SEMA3E: variants seen among roughly 807,000 people sequenced by gnomAD.
The protein encoded by SEMA3E is semaphorin 3E.
In SEMA3E, 49 loss-of-function variants were observed where a neutral mutation model predicts 93.6. The observed-to-expected ratio is 0.52, with a 90% CI of 0.42 to 0.66. The LOEUF (loss-of-function observed/expected upper bound fraction) is 0.66. SEMA3E is among the 30% of genes least tolerant of loss of function. The pLI is 0.00. For missense variants in SEMA3E, 906 were observed against 964.8 expected (o/e 0.94, Z 0.81); for synonymous variants, 363 against 330.7 (o/e 1.10, Z -1.06).
At chr7:83,493,037 A>G (rs183472945) in intron 1 of SEMA3E, among the ~76,000 whole-genome samples, 1 of 151,986 alleles carries the variant, frequency 6.6e-6, no homozygotes, top group African/African-American at 2.4e-5. Context: ...ACCTCTTTAG[A>G]CTGGATTCTT....
intron 1 of SEMA3E, among the ~76,000 whole-genome samples, chr7:83,597,043 A>G (rs917285107): frequency 6.6e-6 from 1 of 152,126 alleles, no homozygotes; most frequent in Non-Finnish European, 1.5e-5. Flanking sequence ...AGACCAACGG[A>G]ACCGGTGACT....
intron 1 of SEMA3E, among the ~76,000 whole-genome samples, chr7:83,539,115 T>A: frequency 6.6e-6 from 1 of 152,200 alleles, no homozygotes; most frequent in East Asian, 1.9e-4. Flanking sequence ...TAAGGATGTG[T>A]AGGATCTTAT....
chr7:83,614,423 G>A (rs1793325164), intron 1 of SEMA3E, among the ~76,000 whole-genome samples: 1 of 152,110 alleles, frequency 6.6e-6, no homozygotes, highest in Non-Finnish European at 1.5e-5. Context: ...GTTATGTGGA[G>A]TGACACCTGA....
intron 1 of SEMA3E, among the ~76,000 whole-genome samples, chr7:83,621,880 A>C (rs1793567921): frequency 6.6e-6 from 1 of 152,250 alleles, no homozygotes; most frequent in Non-Finnish European, 1.5e-5. Flanking sequence ...ACCCATAACT[A>C]TAAAAACCCT....
intron 1 of SEMA3E, among the ~76,000 whole-genome samples, chr7:83,516,133 G>A (rs986863014): frequency 5.9e-5 from 9 of 152,144 alleles, no homozygotes; most frequent in African/African-American, 2.2e-4. Context: ...TTTTTGTATA[G>A]CATCATAAAT....
chr7:83,569,218 A>G (rs1792225201), intron 1 of SEMA3E, among the ~76,000 whole-genome samples: 1 of 152,080 alleles, frequency 6.6e-6, no homozygotes, highest in Non-Finnish European at 1.5e-5. Flanking sequence ...CAAAACACTG[A>G]TGAAAGAAAT....
At chr7:83,603,265 A>G (rs527731933) in intron 1 of SEMA3E, among the ~76,000 whole-genome samples, 10 of 152,266 alleles carry the variant, frequency 6.6e-5, no homozygotes, top group African/African-American at 2.2e-4. Flanking sequence ...GTTCATGTAA[A>G]TAAACATGAA....
At chr7:83,540,606 A>G (rs1791512191) in intron 1 of SEMA3E, among the ~76,000 whole-genome samples, 1 of 152,208 alleles carries the variant, frequency 6.6e-6, no homozygotes, top group Non-Finnish European at 1.5e-5. Context: ...CAACTAAGTT[A>G]TGTATTACTT....
chr7:83,567,613 G>A (rs1196391613), intron 1 of SEMA3E, among the ~76,000 whole-genome samples: 2 of 151,518 alleles, frequency 1.3e-5, no homozygotes, highest in Non-Finnish European at 2.9e-5. Context: ...AACTTTGCAA[G>A]TTTTACAAAT....
In SEMA3E at chr7:83,363,981, G is replaced by A. The variant is rs952553435; in HGVS notation, c.*3605C>T. 2 of 139,084 alleles carry A rather than the reference G, an allele frequency of 1.4e-5. No individual in the cohort carries two copies. Among genetic ancestry groups the A allele is most frequent in the Non-Finnish European group, 3.0e-5 (2 of 65,946 alleles). The allele number at this position is 139,084 out of a possible 1,614,324, so 8.6% of individuals were successfully genotyped here. A position where few individuals can be genotyped will look rare whatever the true frequency, so the allele number is the denominator to read the frequency against. ...GCAATCTCGGCTCACTGCAAGCTCC[G>A]CTTCCCGGGTTCACGCCATTCTCCT... is the stretch of plus-strand genomic sequence containing the variant. On this transcript the variant is annotated 3_prime_UTR_variant, in exon 17 of 17. Coordinates refer to ENST00000643230, the MANE Select transcript of SEMA3E (RefSeq NM_012431.3).
chr7:83,546,193 C>T (rs7797171), intron 1 of SEMA3E, among the ~76,000 whole-genome samples: 49,347 of 148,282 alleles, frequency 0.33, 10,009 homozygotes, highest in African/African-American at 0.57. Context: ...TTATAATGTT[C>T]CACTAAAACA....
At chr7:83,496,632 A>G (rs1334508102) in intron 1 of SEMA3E, among the ~76,000 whole-genome samples, 3 of 152,028 alleles carry the variant, frequency 2.0e-5, no homozygotes, top group Non-Finnish European at 4.4e-5. Flanking sequence ...TATTTTTTGC[A>G]TATACTGAAG....
intron 4 of SEMA3E, among the ~76,000 whole-genome samples, chr7:83,463,346 C>G (rs28767634): frequency 1.6e-4 from 24 of 149,696 alleles, no homozygotes; most frequent in South Asian, 1.1e-3. Context: ...TAGAGGCCCT[C>G]AAAATCACAA....
At chr7:83,497,303 A>T (rs1374250938) in intron 1 of SEMA3E, among the ~76,000 whole-genome samples, 1 of 152,176 alleles carries the variant, frequency 6.6e-6, no homozygotes, top group Non-Finnish European at 1.5e-5. Context: ...TCAGCTCTCA[A>T]ACAAAAATAG....
At chr7:83,462,961 C>T (rs1378374116) in intron 4 of SEMA3E, among the ~76,000 whole-genome samples, 3 of 105,196 alleles carry the variant, frequency 2.9e-5, no homozygotes, top group African/African-American at 8.4e-5. Context: ...AGCCTCTCTT[C>T]ACTTTCACTT....
chr7:83,425,967 A>T (rs532239015), intron 4 of SEMA3E, among the ~76,000 whole-genome samples: 1 of 152,230 alleles, frequency 6.6e-6, no homozygotes, highest in African/African-American at 2.4e-5. Flanking sequence ...CAACCATATG[A>T]AAAAAAGCTC....
At chr7:83,593,883 T>C (rs1455988219) in intron 1 of SEMA3E, among the ~76,000 whole-genome samples, 1 of 152,170 alleles carries the variant, frequency 6.6e-6, no homozygotes, top group Non-Finnish European at 1.5e-5. Context: ...ATGTACTGTG[T>C]AACTGGAAGT....
chr7:83,384,021 T>C (rs1191307957), intron 16 of SEMA3E, among the ~76,000 whole-genome samples: 1 of 152,052 alleles, frequency 6.6e-6, no homozygotes, highest in East Asian at 1.9e-4. Flanking sequence ...ATGTGTTTAT[T>C]CTTATGACAT....
intron 1 of SEMA3E, among the ~76,000 whole-genome samples, chr7:83,582,163 T>G (rs10216244): frequency 0.018 from 2,663 of 151,100 alleles, 78 homozygotes; most frequent in African/African-American, 0.059. Flanking sequence ...ACTAGTAATT[T>G]TATTTATATT....
Sources: allele counts gnomAD v4.1 joint callset (sites outside exome capture counted in the v4.1 genomes callset), GRCh38; gene constraint gnomAD v4.1.1; transcripts MANE v1.5; gene names NCBI Gene and HGNC (gene_info 2026-07-23, HGNC 2026-07-21).